The following DSCAML1 variants were observed in gnomAD, a reference collection of about 807,000 sequenced individuals.
The protein encoded by DSCAML1 is DS cell adhesion molecule like 1.
A neutral mutation model predicts 200.5 loss-of-function variants in DSCAML1; 38 were observed. The ratio of observed to expected loss-of-function variants is 0.19; its 90% confidence interval spans 0.15 to 0.25. The LOEUF (loss-of-function observed/expected upper bound fraction) is 0.25, where lower values mean the gene tolerates loss of function less well. DSCAML1 is among the 10% of genes least tolerant of loss of function. The pLI is 1.00. For synonymous variants in DSCAML1, 1,215 were observed against 1,165.0 expected, an observed-to-expected ratio of 1.04 and a Z score of -0.87; for missense variants, 2,223 against 2,858.8, an observed-to-expected ratio of 0.78 and a Z score of 5.07.
intron 3 of DSCAML1, among the ~76,000 whole-genome samples, chr11:117,705,278 AGG>A (rs201161010): frequency 1.3e-5 from 2 of 152,204 alleles, no homozygotes; most frequent in South Asian, 2.1e-4. Context: ...AGCCAGACTG[AGG>A]GTCTAAATTT....
At chr11:117,671,835 G>A (rs553011485) in intron 3 of DSCAML1, among the ~76,000 whole-genome samples, 5 of 152,086 alleles carry the variant, frequency 3.3e-5, no homozygotes, top group East Asian at 3.9e-4. Context: ...CCTTGGGGCC[G>A]GCGCGGTGGC....
At position 117,469,799 on chromosome 11, in the gene DSCAML1, TG is replaced by T; in HGVS notation, c.3024+110del. 1 of 956,420 alleles carries T rather than the reference TG, an allele frequency of 1.0e-6. No homozygotes were observed. The highest frequency in any genetic ancestry group is 1.5e-6 in the Non-Finnish European group (1 of 678,588). 59.2% of individuals were successfully genotyped at this position (956,420 alleles called of 1,614,324 possible). ...ACTAGGTTTAGTGACAAAACAGACA[TG>T]GGCATCATATAAGACTAGAGACTAG... On this transcript the variant is annotated intron_variant, in intron 16 of 32. Transcript: ENST00000651296. This position sits in a 1 kb window ranked among gnomAD's most constrained non-coding sequence, Gnocchi z 4.1.
intron 3 of DSCAML1, among the ~76,000 whole-genome samples, chr11:117,657,163 C>G (rs2052753195): frequency 1.3e-5 from 2 of 152,180 alleles, no homozygotes; most frequent in African/African-American, 4.8e-5. Context: ...CCATCAACAT[C>G]CACATCCCAT....
intron 5 of DSCAML1, among the ~76,000 whole-genome samples, chr11:117,524,082 C>T (rs1426413938): frequency 6.6e-6 from 1 of 152,220 alleles, no homozygotes; most frequent in Non-Finnish European, 1.5e-5. Flanking sequence ...CACAAATCCG[C>T]ATCCAGAGTG....
chr11:117,692,580 G>A (rs11216505), intron 3 of DSCAML1, among the ~76,000 whole-genome samples: 12,893 of 152,176 alleles, frequency 0.085, 608 homozygotes, highest in Middle Eastern at 0.1. Flanking sequence ...ATGCAGACAC[G>A]TAGAGTCATA....
chr11:117,619,438 C>T (rs1334299290), intron 3 of DSCAML1, among the ~76,000 whole-genome samples: 3 of 152,176 alleles, frequency 2.0e-5, no homozygotes, highest in Non-Finnish European at 4.4e-5. Context: ...GTGAATAAGA[C>T]CCTCCCAGGC....
At chr11:117,471,001 C>G (rs56316258) in intron 15 of DSCAML1, among the ~76,000 whole-genome samples, 16,834 of 152,112 alleles carry the variant, frequency 0.11, 1,118 homozygotes, top group South Asian at 0.28. Context: ...AAATTAGTAT[C>G]ACAAAAATCA....
rs113531129 is a variant in DSCAML1, at chr11:117,464,749, T to C, written c.3265+193A>G. ...GTCAAAAGGAAGGAGAGGCCCGATATGCTGAATGGCCCATACATCTCTGGA... is the reference window on the plus strand; with the variant it reads ...GTCAAAAGGAAGGAGAGGCCCGATACGCTGAATGGCCCATACATCTCTGGA... On this transcript the variant is annotated intron_variant, in intron 17 of 32. Transcript: ENST00000651296. Among the ~76,000 whole-genome samples the C allele has an allele frequency of 8.5e-4, 130 of 152,316 alleles. 2 individuals are homozygous for C. Among genetic ancestry groups the C allele is most frequent in the African/African-American group, 2.8e-3 (118 of 41,568 alleles).
At chr11:117,440,055 C>A in intron 21 of DSCAML1, 119 bp from the exon 22 acceptor site, 1 of 845,196 alleles carries the variant, frequency 1.2e-6, no homozygotes, top group South Asian at 1.6e-5. Flanking sequence ...CTGACCTCCA[C>A]CTTGGGCTTT....
chr11:117,453,499 A>G (rs2048318413), intron 19 of DSCAML1, among the ~76,000 whole-genome samples: 2 of 152,304 alleles, frequency 1.3e-5, no homozygotes, highest in South Asian at 2.1e-4. Flanking sequence ...ATCATGAAGA[A>G]TAGTTTTGTT....
At chr11:117,587,211 C>T (rs1356415744) in intron 3 of DSCAML1, among the ~76,000 whole-genome samples, 1 of 151,526 alleles carries the variant, frequency 6.6e-6, no homozygotes, top group Non-Finnish European at 1.5e-5. Flanking sequence ...ACATGGACAA[C>T]GAACAGGGTG....
At chr11:117,605,018 T>A (rs940562439) in intron 3 of DSCAML1, among the ~76,000 whole-genome samples, 7 of 152,044 alleles carry the variant, frequency 4.6e-5, no homozygotes, top group Non-Finnish European at 8.8e-5. Flanking sequence ...AAGAATAATA[T>A]GGTTCTTTTT....
At chr11:117,683,021 C>T (rs2053338179) in intron 3 of DSCAML1, among the ~76,000 whole-genome samples, 1 of 152,240 alleles carries the variant, frequency 6.6e-6, no homozygotes, top group Non-Finnish European at 1.5e-5. Context: ...TTGCCCCTTT[C>T]CTGGCCAGTT....
chr11:117,465,006 T>C lies in DSCAML1; in HGVS notation c.3201A>G (p.Gln1067=), dbSNP rs538847. The change falls in exon 17 of 33, where the codon CAA becomes CAG. Residue 1067 remains glutamine (Q), a synonymous_variant. Coordinates refer to ENST00000651296, the MANE Select transcript of DSCAML1 (RefSeq NM_020693.4). ...GCCCCGTGCCAGCCCGATTGAAGGC[T>C]TGGACCACCACCCCATACTGGGCGA... ...KKFAQYGVVV[Q]AFNRAGTGPS... The C allele has an allele frequency of 0.56, 903,352 of 1,613,842 alleles. 260,957 individuals carry two copies. The highest frequency in any genetic ancestry group is 0.9 in the East Asian group (40,431 of 44,848).
At chr11:117,718,011 A>C (rs2053981768) in intron 3 of DSCAML1, among the ~76,000 whole-genome samples, 1 of 152,222 alleles carries the variant, frequency 6.6e-6, no homozygotes, top group South Asian at 2.1e-4. Context: ...TGTGTCAACA[A>C]GGCCCAGCTC....
chr11:117,668,084 T>G (rs2053018067), intron 3 of DSCAML1, among the ~76,000 whole-genome samples: 1 of 152,224 alleles, frequency 6.6e-6, no homozygotes, highest in Non-Finnish European at 1.5e-5. Flanking sequence ...GGGAGGTGGG[T>G]ACTATTATTC....
At chr11:117,493,881 C>A (rs965225390) in intron 11 of DSCAML1, among the ~76,000 whole-genome samples, 1 of 152,126 alleles carries the variant, frequency 6.6e-6, no homozygotes, top group Non-Finnish European at 1.5e-5. Context: ...GCCCCCCTCT[C>A]CCTCCCAGAA....
At chr11:117,622,728 C>T (rs1253033589) in intron 3 of DSCAML1, among the ~76,000 whole-genome samples, 2 of 152,152 alleles carry the variant, frequency 1.3e-5, no homozygotes, top group Non-Finnish European at 2.9e-5. Flanking sequence ...AAAACTGAAG[C>T]AGGTCAAGTT....
At chr11:117,584,651 C>T (rs1467839934) in intron 3 of DSCAML1, among the ~76,000 whole-genome samples, 2 of 152,326 alleles carry the variant, frequency 1.3e-5, no homozygotes, top group South Asian at 2.1e-4. Context: ...CAGGCATGTG[C>T]ATCACCTGAA....
Sources: allele counts gnomAD v4.1 joint callset (sites outside exome capture counted in the v4.1 genomes callset), GRCh38; gene constraint gnomAD v4.1.1; non-coding constraint Gnocchi (gnomAD v3.1); transcripts MANE v1.5; gene names NCBI Gene and HGNC (gene_info 2026-07-23, HGNC 2026-07-21).